PDE3B: variants seen among roughly 807,000 people sequenced by gnomAD.
PDE3B encodes cGMP-inhibited 3',5'-cyclic phosphodiesterase 3B.
Under a neutral mutation model 116.8 loss-of-function variants are expected in PDE3B, and 66 were observed. That is an observed-to-expected ratio of 0.56 (90% CI 0.46 to 0.69). PDE3B has a LOEUF of 0.69. Among genes scored for constraint, PDE3B ranks in the 30% least tolerant of loss-of-function variants. The pLI, the probability that PDE3B is intolerant of heterozygous loss-of-function variation, is 0.00. For synonymous variants in PDE3B, 595 were observed against 533.6 expected (o/e 1.12, Z -1.59); for missense variants, 1,384 against 1,368.1 (o/e 1.01, Z -0.18).
At chr11:14,891,345 C>A in the PDE3B span, 1 of 985,470 alleles carries the variant, frequency 1.0e-6, no homozygotes, top group Non-Finnish European at 1.2e-6. Context: ...CCGTTCCCAG[C>A]CAGTCAGAAC....
At chr11:14,892,216 T>C in the PDE3B span, 1 of 1,607,758 alleles carries the variant, frequency 6.2e-7, no homozygotes. Context: ...CGGCCCGAGC[T>C]GGAGGTGCGA....
chr11:14,673,964 G>T, intron 1 of PDE3B: 2 of 1,356,060 alleles, frequency 1.5e-6, no homozygotes, highest in Non-Finnish European at 2.1e-6. Flanking sequence ...TGTAATTTGC[G>T]TAATCCTCAA....
the PDE3B span, among the ~76,000 whole-genome samples, chr11:14,883,838 G>GA: frequency 6.6e-6 from 1 of 151,790 alleles, no homozygotes; most frequent in South Asian, 2.1e-4. Context: ...AAATTTACAA[G>GA]AAAAAAACAA....
chr11:14,764,092 C>T (rs1857430949), intron 1 of PDE3B, among the ~76,000 whole-genome samples: 1 of 152,088 alleles, frequency 6.6e-6, no homozygotes, highest in African/African-American at 2.4e-5. Context: ...GCTGTTACCT[C>T]ACCTGGGGCT....
intron 7 of PDE3B, among the ~76,000 whole-genome samples, chr11:14,821,598 A>AC (rs1859515188): frequency 6.6e-6 from 1 of 152,164 alleles, no homozygotes; most frequent in South Asian, 2.1e-4. Context: ...TTATTGCCTT[A>AC]CCTTACCAAG....
At chr11:14,670,834 T>G (rs1436052374) in intron 1 of PDE3B, among the ~76,000 whole-genome samples, 1 of 152,050 alleles carries the variant, frequency 6.6e-6, no homozygotes, top group Admixed American at 6.6e-5. Flanking sequence ...CTTCCAACAA[T>G]CCAGCTTACA....
At chr11:14,732,827 A>G (rs1468261945) in intron 1 of PDE3B, among the ~76,000 whole-genome samples, 1 of 152,202 alleles carries the variant, frequency 6.6e-6, no homozygotes, top group East Asian at 1.9e-4. Flanking sequence ...GGACTTCTAC[A>G]GTTCAAACCT....
At chr11:14,861,702 AGAGG>A (rs1847953957) in intron 14 of PDE3B, among the ~76,000 whole-genome samples, 1 of 152,196 alleles carries the variant, frequency 6.6e-6, no homozygotes. Flanking sequence ...GGCATAAGGC[AGAGG>A]GAGAGACTGA....
chr11:14,710,144 A>T (rs565276150), intron 1 of PDE3B, among the ~76,000 whole-genome samples: 47 of 152,306 alleles, frequency 3.1e-4, no homozygotes, highest in African/African-American at 1.1e-3. Flanking sequence ...TTACCTCTGT[A>T]ACTTAATCTT....
At chr11:14,790,586 G>A (rs757219784) in intron 4 of PDE3B, among the ~76,000 whole-genome samples, 2 of 152,008 alleles carry the variant, frequency 1.3e-5, no homozygotes, top group East Asian at 3.8e-4. Context: ...GATTACAATA[G>A]AAACATAGTT....
chr11:14,818,423 T>C lies in PDE3B; in HGVS notation c.1733+30T>C, dbSNP rs200333510. On this transcript the variant is annotated intron_variant, in intron 6 of 15. Transcript: ENST00000282096. ...GTTTCCCAACTGTTTATTATTTCTG[T>C]TTCAAAATGTTGATTACAGTTAAGT... The C allele has an allele frequency of 7.0e-5, 102 of 1,458,176 alleles. No homozygotes were observed. The African/African-American group carries it at 1.1e-3, about 15-fold the overall frequency. 90.3% of individuals were successfully genotyped at this position (1,458,176 alleles called of 1,614,324 possible). A position where few individuals can be genotyped will look rare whatever the true frequency, so the allele number is the denominator to read the frequency against.
At chr11:14,740,778 G>C (rs1243458965) in intron 1 of PDE3B, among the ~76,000 whole-genome samples, 2 of 152,062 alleles carry the variant, frequency 1.3e-5, no homozygotes, top group Non-Finnish European at 2.9e-5. Context: ...TTGGTTCTGT[G>C]CCAGAGATTC....
At chr11:14,717,573 C>T (rs1855945706) in intron 1 of PDE3B, among the ~76,000 whole-genome samples, 1 of 77,536 alleles carries the variant, frequency 1.3e-5, no homozygotes, top group African/African-American at 5.4e-5. Flanking sequence ...GCGGATCTCT[C>T]GGTAGAAACC....
chr11:14,644,739 G>C lies in PDE3B; in HGVS notation c.664G>C (p.Val222Leu). The C allele has an allele frequency of 6.3e-7, 1 of 1,577,226 alleles. No homozygotes were observed. Among genetic ancestry groups the C allele is most frequent in the East Asian group, 2.3e-5 (1 of 43,700 alleles). Residue 222 changes from valine (V) to leucine (L), a missense_variant, in exon 1 of 16, where the codon GTG (valine) becomes CTG (leucine). Physicochemically the swap from Val to Leu is conservative, Grantham distance 32 (BLOSUM62 1). Transcript: ENST00000282096. ...HPLRLRHCVLVLLLASFVWWV... is the reference protein window; with the variant it reads ...HPLRLRHCVLLLLLASFVWWV... ...GCTGCGGCTCCGGCACTGCGTTCTG[G>C]TGCTGCTCCTGGCCAGCTTCGTCTG...
Position 14,844,627 on chromosome 11 carries a change from C to A in PDE3B, c.2520+601C>A, listed in dbSNP as rs1480993116. On this transcript the variant is annotated intron_variant, in intron 12 of 15. Coordinates refer to ENST00000282096, the MANE Select transcript of PDE3B (RefSeq NM_000922.4). ...CAGCACCTGGAAAATCAGGTCACTCCCACCCCAGTACTACGCTTTTCCGAC... is the reference window on the plus strand; with the variant it reads ...CAGCACCTGGAAAATCAGGTCACTCACACCCCAGTACTACGCTTTTCCGAC... Among the ~76,000 whole-genome samples the A allele has an allele frequency of 3.3e-5, 5 of 152,330 alleles. No homozygotes were observed. In the East Asian group the frequency reaches 9.7e-4, roughly 29 times the overall value.
chr11:14,725,331 T>C (rs11023316), intron 1 of PDE3B, among the ~76,000 whole-genome samples: 18 of 144,556 alleles, frequency 1.2e-4, no homozygotes, highest in African/African-American at 3.8e-4. Context: ...TTCTTTCTTT[T>C]TCTTTCTTTC....
chr11:14,646,507 G>C (rs1853412292), intron 1 of PDE3B, among the ~76,000 whole-genome samples: 2 of 152,186 alleles, frequency 1.3e-5, no homozygotes, highest in South Asian at 2.1e-4. Context: ...TGTTTTGAGA[G>C]GATTTATTAT....
chr11:14,754,819 C>T (rs1857143117), intron 1 of PDE3B, among the ~76,000 whole-genome samples: 1 of 152,152 alleles, frequency 6.6e-6, no homozygotes, highest in South Asian at 2.1e-4. Flanking sequence ...TCGCCATTAT[C>T]TTTTGTGTCT....
chr11:14,715,678 A>T, intron 1 of PDE3B, among the ~76,000 whole-genome samples: 1 of 152,200 alleles, frequency 6.6e-6, no homozygotes, highest in East Asian at 1.9e-4. Flanking sequence ...GGGGTTTTCT[A>T]AATATACAAT....
Sources: gnomAD v4.1 joint callset for allele counts (sites outside exome capture counted in the v4.1 genomes callset) on GRCh38, gnomAD v4.1.1 for gene constraint, MANE v1.5 for transcripts, NCBI Gene and HGNC (gene_info 2026-07-23, HGNC 2026-07-21) for gene names.